The following EIF3E variants were observed in gnomAD, a reference collection of about 807,000 sequenced individuals.
The protein encoded by EIF3E is eIF-3 p48.
Under a neutral mutation model 59.3 loss-of-function variants are expected in EIF3E, and 25 were observed. The ratio of observed to expected loss-of-function variants is 0.42; its 90% CI spans 0.31 to 0.59. EIF3E has a LOEUF of 0.59. Ranked by LOEUF, EIF3E falls within the 20% of genes least tolerant of loss-of-function variation. The pLI is 0.15. For missense variants in EIF3E, 317 were observed against 534.3 expected (o/e 0.59, Z 4.01); for synonymous variants, 176 against 170.2 (o/e 1.03, Z -0.26).
chr8:108,211,868 C>A (rs71524762), intron 10 of EIF3E, among the ~76,000 whole-genome samples: 3,652 of 152,270 alleles, frequency 0.024, 63 homozygotes, highest in South Asian at 0.074. Context: ...ACAAACTCTA[C>A]AAAGATTCTG....
At chr8:108,213,921 G>A (rs191986579) in intron 10 of EIF3E, among the ~76,000 whole-genome samples, 56 of 152,270 alleles carry the variant, frequency 3.7e-4, no homozygotes, top group Non-Finnish European at 3.7e-4. Flanking sequence ...AAAAGAATTT[G>A]TTTTATGCAC....
intron 5 of EIF3E, chr8:108,234,479 C>T (rs1474405971): frequency 1.3e-5 from 2 of 152,174 alleles, no homozygotes. Flanking sequence ...AATGAAGAAA[C>T]CATTGATATT....
chr8:108,236,881 G>A (rs536064332), intron 3 of EIF3E, among the ~76,000 whole-genome samples: 27 of 151,992 alleles, frequency 1.8e-4, no homozygotes, highest in Non-Finnish European at 3.5e-4. Context: ...AATTAGCCAG[G>A]CATGGTGGCG....
intron 9 of EIF3E, 101 bp downstream of exon 9, chr8:108,216,311 A>G: frequency 1.1e-6 from 1 of 870,694 alleles, no homozygotes; most frequent in Non-Finnish European, 1.7e-6. Flanking sequence ...TATTTCCGTT[A>G]TAATTACTTC....
At chr8:108,203,690 C>T (rs148965896) in intron 10 of EIF3E, among the ~76,000 whole-genome samples, 187 bp from the exon 11 acceptor site, 2 of 152,124 alleles carry the variant, frequency 1.3e-5, no homozygotes, top group African/African-American at 2.4e-5. Flanking sequence ...GTACTATGCA[C>T]GACCTATTCC....
intron 1 of EIF3E, chr8:108,243,584 G>C (rs1215100337): frequency 2.1e-5 from 3 of 141,080 alleles, no homozygotes; most frequent in East Asian, 2.1e-4. Flanking sequence ...AGCCGAGATT[G>C]CGCCACTGCA....
At chr8:108,210,760 C>A (rs201205351) in intron 10 of EIF3E, among the ~76,000 whole-genome samples, 1 of 151,534 alleles carries the variant, frequency 6.6e-6, no homozygotes, top group African/African-American at 2.4e-5. Context: ...CCCCACCCCA[C>A]GACAGGCCCC....
intron 7 of EIF3E, among the ~76,000 whole-genome samples, chr8:108,227,054 G>A (rs7843778): frequency 0.073 from 11,095 of 152,290 alleles, 1,280 homozygotes; most frequent in African/African-American, 0.24. Context: ...GCTGGGCCCA[G>A]TGGCTCATGC....
chr8:108,209,187 T>C (rs1815161532), intron 10 of EIF3E, among the ~76,000 whole-genome samples: 1 of 152,100 alleles, frequency 6.6e-6, no homozygotes, highest in Non-Finnish European at 1.5e-5. Flanking sequence ...GAAGCTGAGA[T>C]ATATCCTTTC....
intron 7 of EIF3E, among the ~76,000 whole-genome samples, chr8:108,222,556 A>G (rs1443147544): frequency 2.0e-5 from 3 of 152,246 alleles, no homozygotes; most frequent in Non-Finnish European, 4.4e-5. Flanking sequence ...CCACAGGTAT[A>G]TATTTTAACA....
rs759217648 is a variant in EIF3E, at chr8:108,248,488, C to T, written c.90+125G>A. 11 of 839,142 alleles carry T rather than the reference C, an allele frequency of 1.3e-5. No homozygotes were observed. The African/African-American group carries it at 1.4e-4, about 10-fold the overall frequency. 52.0% of individuals were successfully genotyped at this position (839,142 alleles called of 1,614,324 possible). A position where few individuals can be genotyped will look rare whatever the true frequency, so the allele number is the denominator to read the frequency against. ...AAACTACCAGAAGATCCTTAGTGTC[C>T]GTCCAGGAACCAAACTCGCGACCGC... On this transcript the variant is annotated intron_variant, in intron 1 of 12. Coordinates refer to ENST00000220849, the MANE Select transcript of EIF3E (RefSeq NM_001568.3).
In EIF3E at chr8:108,214,627, G is replaced by C; in HGVS notation, c.1041C>G (p.Ile347Met). 6.2e-7 allele frequency: 1 copy of C among 1,608,016 alleles called. No individual in the cohort carries two copies. Among genetic ancestry groups the C allele is most frequent in the Non-Finnish European group, 8.5e-7 (1 of 1,178,396 alleles). Residue 347 changes from isoleucine to methionine, a missense_variant, in exon 10 of 13, where the codon ATC (isoleucine) becomes ATG (methionine). Around this residue, in one of 4 missense-constraint regions of EIF3E, gnomAD observed 242 missense variants for 398.0 expected, o/e 0.61. Transcript: ENST00000220849. ...CTTACTTAATGCTGATACACTGGTG[G>C]ATGCGACAGAAAGTCTCAAATATGA... ...RLFIFETFCR[I>M]HQCISINMLA...
Position 108,214,657 on chromosome 8 carries a change from A to T in EIF3E, c.1011T>A (p.Arg337=). The T allele has an allele frequency of 6.2e-7, 1 of 1,612,334 alleles. No homozygotes were observed. The highest frequency in any genetic ancestry group is 8.5e-7 in the Non-Finnish European group (1 of 1,179,590). ...ACLEDFIENA[R]LFIFETFCRI... ...GACAGAAAGTCTCAAATATGAAGAG[A>T]CGGGCATTTTCAATGAAATCCTCAA... Residue 337 remains arginine (R), a synonymous_variant, in exon 10 of 13, where the codon CGT becomes CGA. Coordinates refer to ENST00000220849, the MANE Select transcript of EIF3E (RefSeq NM_001568.3).
chr8:108,208,208 A>G (rs1815141340), intron 10 of EIF3E, among the ~76,000 whole-genome samples: 1 of 152,120 alleles, frequency 6.6e-6, no homozygotes, highest in Admixed American at 6.6e-5. Context: ...TGTCTTATTA[A>G]TTACCTCTTT....
At chr8:108,202,415 A>C (rs1040414175) in intron 12 of EIF3E, among the ~76,000 whole-genome samples, 1 of 152,026 alleles carries the variant, frequency 6.6e-6, no homozygotes, top group African/African-American at 2.4e-5. Context: ...AGTTACACAT[A>C]ATCATAATGT....
At chr8:108,242,875 T>C (rs1486442941) in intron 1 of EIF3E, 1 of 165,670 alleles carries the variant, frequency 6.0e-6, no homozygotes, top group Non-Finnish European at 1.3e-5. Flanking sequence ...ATACCAGTGT[T>C]GGTGTGGATG....
chr8:108,242,720 C>G, intron 1 of EIF3E: 1 of 1,007,154 alleles, frequency 9.9e-7, no homozygotes, highest in Non-Finnish European at 1.2e-6. Flanking sequence ...CAAGACAGAC[C>G]TTGCAATTGA....
intron 10 of EIF3E, among the ~76,000 whole-genome samples, chr8:108,205,295 T>C (rs1439633569): frequency 6.6e-6 from 1 of 152,202 alleles, no homozygotes; most frequent in Non-Finnish European, 1.5e-5. Context: ...ACTGCCGTTA[T>C]GTCCAGCAAT....
chr8:108,218,645 T>C (rs915834914), intron 7 of EIF3E, among the ~76,000 whole-genome samples: 9 of 152,146 alleles, frequency 5.9e-5, no homozygotes, highest in African/African-American at 2.2e-4. Flanking sequence ...GAGTTAGAAA[T>C]GAAAATTTTG....
Sources: gnomAD v4.1 joint callset for allele counts (sites outside exome capture counted in the v4.1 genomes callset) on GRCh38, gnomAD v4.1.1 for gene constraint, gnomAD v4.1.1 regional missense constraint, MANE v1.5 for transcripts, NCBI Gene and HGNC (gene_info 2026-07-23, HGNC 2026-07-21) for gene names.